THSD4: variants seen among roughly 807,000 people sequenced by gnomAD.
THSD4 encodes thrombospondin type 1 domain containing 4, also known as thrombospondin type-1 domain-containing protein 4.
In THSD4, 69 loss-of-function variants were observed where a neutral mutation model predicts 119.0. The observed-to-expected ratio is 0.58, with a 90% CI of 0.48 to 0.71. The LOEUF (loss-of-function observed/expected upper bound fraction) is 0.71. Ranked by LOEUF, THSD4 falls within the 30% of genes least tolerant of loss-of-function variation. The probability of loss-of-function intolerance (pLI) is 0.00; values close to 1 mark genes in which losing one functional copy is unlikely to be tolerated. For missense variants in THSD4, 1,393 were observed against 1,391.1 expected, an observed-to-expected ratio of 1.00 and a Z score of -0.02; for synonymous variants, 524 against 540.4, an observed-to-expected ratio of 0.97 and a Z score of 0.42.
At chr15:71,606,856 T>C (rs538013622) in intron 7 of THSD4, among the ~76,000 whole-genome samples, 1 of 152,286 alleles carries the variant, frequency 6.6e-6, no homozygotes, top group Non-Finnish European at 1.5e-5. Context: ...GGCAATTGTA[T>C]TGTAGCTGTC....
chr15:71,265,679 G>A (rs866902046), intron 6 of THSD4, among the ~76,000 whole-genome samples: 9 of 152,276 alleles, frequency 5.9e-5, no homozygotes, highest in Middle Eastern at 3.4e-3. Context: ...CCACCCCCAC[G>A]GAGCCCAGGA....
intron 4 of THSD4, among the ~76,000 whole-genome samples, chr15:71,226,736 G>A (rs2044020989): frequency 6.6e-6 from 1 of 152,208 alleles, no homozygotes. Flanking sequence ...TACCCAGGGA[G>A]TCTTGTTACC....
chr15:71,552,570 C>G (rs2048948866), intron 7 of THSD4, among the ~76,000 whole-genome samples: 1 of 152,222 alleles, frequency 6.6e-6, no homozygotes, highest in South Asian at 2.1e-4. Flanking sequence ...AACTCACTTG[C>G]TAATGCAAGA....
intron 6 of THSD4, among the ~76,000 whole-genome samples, chr15:71,380,441 T>C (rs1454784924): frequency 6.6e-6 from 1 of 152,118 alleles, no homozygotes; most frequent in African/African-American, 2.4e-5. Flanking sequence ...TGAAACCGTT[T>C]GATGCTCAAT....
chr15:71,249,425 T>TACAC (rs1412840408), intron 5 of THSD4, among the ~76,000 whole-genome samples: 2 of 150,436 alleles, frequency 1.3e-5, no homozygotes, highest in Non-Finnish European at 3.0e-5. Context: ...TATATATATA[T>TACAC]ATACACACAC....
rs138999336 is a variant in THSD4, at chr15:71,547,326, A to C, written c.1153-113204A>C. ...TGCCTAGCGGAACTCCAGGGCTGGA[A>C]TCCCGAGACACAAGTGCATCTGCTA... is the stretch of plus-strand genomic sequence containing the variant. On this transcript the variant is annotated intron_variant, in intron 7 of 17. Transcript: ENST00000261862. 620 of 1,537,810 alleles carry C rather than the reference A, an allele frequency of 4.0e-4. 4 individuals are homozygous for C. In the East Asian group the frequency reaches 0.013, roughly 33 times the overall value.
At chr15:71,202,792 G>GGGGGTGGGCATCTCTTGGCTTCT (rs1367869726) in intron 3 of THSD4, among the ~76,000 whole-genome samples, 13 of 152,018 alleles carry the variant, frequency 8.6e-5, no homozygotes, top group Non-Finnish European at 1.6e-4. Context: ...GTTGCGGGGA[G>GGGGGTGGGCATCTCTTGGCTTCT]GGGGTGGGCA....
chr15:71,334,551 C>A (rs1310833896), intron 6 of THSD4, among the ~76,000 whole-genome samples: 1 of 152,192 alleles, frequency 6.6e-6, no homozygotes, highest in African/African-American at 2.4e-5. Flanking sequence ...GCTCTGGGGG[C>A]AGTTGGTGCA....
At chr15:71,604,828 CAAA>C in intron 7 of THSD4, among the ~76,000 whole-genome samples, 1 of 146,070 alleles carries the variant, frequency 6.8e-6, no homozygotes, top group African/African-American at 2.5e-5. Flanking sequence ...AAAACAAAAA[CAAA>C]AAAAAAACCT....
chr15:71,755,951 G>A (rs1012052638), intron 14 of THSD4, among the ~76,000 whole-genome samples: 1 of 151,892 alleles, frequency 6.6e-6, no homozygotes, highest in Non-Finnish European at 1.5e-5. Flanking sequence ...CAAGGGCTCT[G>A]TGAGCCTTTT....
intron 6 of THSD4, among the ~76,000 whole-genome samples, chr15:71,376,905 AG>A (rs201887178): frequency 0.011 from 1,723 of 152,260 alleles, 20 homozygotes; most frequent in Non-Finnish European, 0.017. Context: ...ATGCCCTAGG[AG>A]GGAGCTACCA....
intron 6 of THSD4, among the ~76,000 whole-genome samples, chr15:71,360,135 G>T (rs956372421): frequency 6.6e-6 from 1 of 152,170 alleles, no homozygotes; most frequent in East Asian, 1.9e-4. Context: ...TATCTGGCAC[G>T]TGGGGAAGAG....
At chr15:71,144,321 G>A (rs1596222584) in intron 2 of THSD4, among the ~76,000 whole-genome samples, 2 of 152,260 alleles carry the variant, frequency 1.3e-5, no homozygotes, top group East Asian at 3.9e-4. Flanking sequence ...CAAAAGTAGA[G>A]TGTCTTCTGT....
chr15:71,193,050 G>A (rs559685088), intron 3 of THSD4, among the ~76,000 whole-genome samples: 1 of 152,254 alleles, frequency 6.6e-6, no homozygotes, highest in African/African-American at 2.4e-5. Context: ...GCTGCAAACC[G>A]CTGACTGCAC....
intron 3 of THSD4, among the ~76,000 whole-genome samples, chr15:71,161,847 T>C (rs193080675): frequency 6.6e-6 from 1 of 152,118 alleles, no homozygotes; most frequent in Admixed American, 6.5e-5. Flanking sequence ...ATGTGTGGTT[T>C]AGTGGTTTTC....
intron 7 of THSD4, among the ~76,000 whole-genome samples, chr15:71,591,352 A>G (rs532197521): frequency 6.6e-6 from 1 of 152,358 alleles, no homozygotes; most frequent in East Asian, 1.9e-4. Context: ...CTCAAGTGTC[A>G]TTCTTTACAT....
intron 7 of THSD4, among the ~76,000 whole-genome samples, chr15:71,580,371 A>G (rs976418376): frequency 2.0e-5 from 3 of 152,214 alleles, no homozygotes; most frequent in Non-Finnish European, 4.4e-5. Flanking sequence ...ACAAATGATA[A>G]TTGTATATAT....
At chr15:71,337,917 C>A (rs1055813973) in intron 6 of THSD4, among the ~76,000 whole-genome samples, 4 of 152,208 alleles carry the variant, frequency 2.6e-5, no homozygotes, top group African/African-American at 9.7e-5. Context: ...TCCTTCCAGC[C>A]TCAGCCGCTT....
chr15:71,335,247 A>C (rs1026526870), intron 6 of THSD4, among the ~76,000 whole-genome samples: 5 of 152,138 alleles, frequency 3.3e-5, no homozygotes, highest in Non-Finnish European at 4.4e-5. Flanking sequence ...TGTCAGCCCC[A>C]GCAACTTCTT....
Sources: allele counts gnomAD v4.1 joint callset (sites outside exome capture counted in the v4.1 genomes callset), GRCh38; gene constraint gnomAD v4.1.1; transcripts MANE v1.5; gene names NCBI Gene and HGNC (gene_info 2026-07-23, HGNC 2026-07-21).